Variants in DYM observed in about 807,000 individuals in gnomAD.
The protein encoded by DYM is dyggve-Melchior-Clausen syndrome protein.
DYM carries 78 observed loss-of-function variants against 93.1 expected under a neutral mutation model. The ratio of observed to expected loss-of-function variants is 0.84; its 90% CI spans 0.70 to 1.01. DYM has a LOEUF of 1.01. DYM is among the 50% of genes least tolerant of loss of function. The pLI is 0.00. For missense variants in DYM, 789 were observed against 845.0 expected (o/e 0.93, Z 0.82); for synonymous variants, 321 against 319.7 (o/e 1.00, Z -0.04).
At chr18:49,409,145 A>G (rs2071885594) in intron 2 of DYM, among the ~76,000 whole-genome samples, 2 of 151,888 alleles carry the variant, frequency 1.3e-5, no homozygotes, top group African/African-American at 4.8e-5. Flanking sequence ...TTAGCCGAGC[A>G]TGGTGGCTCA....
chr18:49,216,401 G>T (rs578131796), intron 13 of DYM, among the ~76,000 whole-genome samples: 9 of 152,172 alleles, frequency 5.9e-5, no homozygotes, highest in Non-Finnish European at 1.3e-4. Flanking sequence ...AGAGAGTAGT[G>T]GTTCTCCAAG....
At chr18:49,145,424 T>C (rs1031975458) in intron 15 of DYM, among the ~76,000 whole-genome samples, 1 of 152,098 alleles carries the variant, frequency 6.6e-6, no homozygotes, top group Non-Finnish European at 1.5e-5. Flanking sequence ...CTTTAAACTT[T>C]TGTTTCATAA....
intron 1 of DYM, among the ~76,000 whole-genome samples, chr18:49,436,756 TC>T (rs913677702): frequency 1.3e-5 from 2 of 152,174 alleles, no homozygotes; most frequent in Non-Finnish European, 1.5e-5. Context: ...ATATGGGTCC[TC>T]CTGGCTCTAC....
At chr18:49,175,642 GCTGA>G (rs1237163096) in intron 14 of DYM, among the ~76,000 whole-genome samples, 1 of 152,142 alleles carries the variant, frequency 6.6e-6, no homozygotes, top group African/African-American at 2.4e-5. Flanking sequence ...CCACCAGCTT[GCTGA>G]CTGTCAAGTA....
At chr18:49,447,981 G>A (rs189633828) in intron 1 of DYM, among the ~76,000 whole-genome samples, 20 of 152,248 alleles carry the variant, frequency 1.3e-4, no homozygotes, top group Admixed American at 1.2e-3. Flanking sequence ...CCTTGGTCTA[G>A]AGAGTATGTG....
At chr18:49,156,732 CAAAAAAAAAAAA>C (rs1224742522) in intron 15 of DYM, among the ~76,000 whole-genome samples, 1 of 63,194 alleles carries the variant, frequency 1.6e-5, no homozygotes, top group Non-Finnish European at 3.5e-5. Context: ...AACGCTGTCT[CAAAAAAAAAAAA>C]AAAAAAAAAA....
At chr18:49,195,619 C>G (rs1408382805) in intron 14 of DYM, among the ~76,000 whole-genome samples, 1 of 152,156 alleles carries the variant, frequency 6.6e-6, no homozygotes, top group Non-Finnish European at 1.5e-5. Flanking sequence ...AGCCAAAGCA[C>G]CCTACCCACT....
intron 8 of DYM, among the ~76,000 whole-genome samples, chr18:49,308,290 G>GTATATATATATATA (rs3061689): frequency 6.9e-6 from 1 of 145,212 alleles, no homozygotes; most frequent in African/African-American, 2.5e-5. Flanking sequence ...ACTTGTGTGT[G>GTATATATATATATA]TATATATATA....
At position 49,354,265 on chromosome 18, in the gene DYM, A is replaced by G. The variant is rs540869617; in HGVS notation, c.494+8896T>C. ...TGAAATGCAAAACTATAAAACTCTA[A>G]AACGATAAAATAGGAGAAAATCCAA... On this transcript the variant is annotated intron_variant, in intron 6 of 17. Transcript: ENST00000675505. Among the ~76,000 whole-genome samples, 148 of 152,218 alleles carry G rather than the reference A, an allele frequency of 9.7e-4. 1 individual carries two copies. The highest frequency in any genetic ancestry group is 6.8e-3 in the Middle Eastern group (2 of 294).
At chr18:49,297,068 T>C (rs2060612519) in intron 8 of DYM, among the ~76,000 whole-genome samples, 1 of 152,220 alleles carries the variant, frequency 6.6e-6, no homozygotes, top group Non-Finnish European at 1.5e-5. Flanking sequence ...TTATATTTGC[T>C]ATTTAAAGGA....
At chr18:49,420,288 C>T (rs1028179974) in intron 2 of DYM, among the ~76,000 whole-genome samples, 6 of 151,718 alleles carry the variant, frequency 4.0e-5, no homozygotes, top group African/African-American at 1.5e-4. Flanking sequence ...CTGCTTCAGC[C>T]TCCCGAGTAG....
intron 17 of DYM, among the ~76,000 whole-genome samples, chr18:49,058,103 A>C (rs1251862424): frequency 6.6e-6 from 1 of 152,242 alleles, no homozygotes; most frequent in Admixed American, 6.5e-5. Flanking sequence ...CCTTGGAACA[A>C]GGTTCAAAGC....
intron 1 of DYM, among the ~76,000 whole-genome samples, chr18:49,454,538 T>C (rs73445800): frequency 4.6e-4 from 70 of 152,254 alleles, no homozygotes; most frequent in African/African-American, 1.5e-3. Flanking sequence ...ACACACTCTG[T>C]AGACGTCATG....
At chr18:49,407,632 A>C (rs1040859823) in intron 2 of DYM, among the ~76,000 whole-genome samples, 2 of 152,194 alleles carry the variant, frequency 1.3e-5, no homozygotes, top group Admixed American at 1.3e-4. Flanking sequence ...TCATCAGGGG[A>C]TGGCGCTAGC....
chr18:49,314,348 T>C (rs2061793007), intron 8 of DYM, among the ~76,000 whole-genome samples: 1 of 152,204 alleles, frequency 6.6e-6, no homozygotes, highest in Non-Finnish European at 1.5e-5. Flanking sequence ...TTGAACATAA[T>C]ACTTTTTATC....
In DYM at chr18:49,386,357, T is replaced by G. The variant is rs543218916; in HGVS notation, c.193+5236A>C. On this transcript the variant is annotated intron_variant, in intron 3 of 17. Coordinates refer to ENST00000675505, the MANE Select transcript of DYM (RefSeq NM_001353214.3). ...AGGAGAGAAAGAAACAACTTTACACTGAAGAAACTTGATAAATAGTACCTC... is the reference window on the plus strand; with the variant it reads ...AGGAGAGAAAGAAACAACTTTACACGGAAGAAACTTGATAAATAGTACCTC... Among the ~76,000 whole-genome samples, 7 of 152,288 alleles carry G rather than the reference T, an allele frequency of 4.6e-5. No individual in the cohort carries two copies. In the East Asian group the frequency reaches 1.3e-3, roughly 29 times the overall value.
chr18:49,336,622 C>A (rs2063694096), intron 6 of DYM, among the ~76,000 whole-genome samples: 1 of 152,154 alleles, frequency 6.6e-6, no homozygotes, highest in Non-Finnish European at 1.5e-5. Context: ...AGTATTTTTG[C>A]TCATATGATG....
At chr18:49,358,999 C>T (rs1347673761) in intron 6 of DYM, among the ~76,000 whole-genome samples, 2 of 152,208 alleles carry the variant, frequency 1.3e-5, no homozygotes, top group African/African-American at 2.4e-5. Context: ...CACCTGACTC[C>T]ACCACTCGGT....
chr18:49,270,315 C>A (rs751695850), intron 11 of DYM, among the ~76,000 whole-genome samples: 1 of 152,168 alleles, frequency 6.6e-6, no homozygotes, highest in Non-Finnish European at 1.5e-5. Flanking sequence ...GGAGATTATT[C>A]TAAGTGAAAT....
Sources: allele counts gnomAD v4.1 joint callset (sites outside exome capture counted in the v4.1 genomes callset), GRCh38; gene constraint gnomAD v4.1.1; transcripts MANE v1.5; gene names NCBI Gene and HGNC (gene_info 2026-07-23, HGNC 2026-07-21).